CHCHD3: variants seen among roughly 807,000 people sequenced by gnomAD.
CHCHD3 encodes coiled-coil-helix-coiled-coil-helix domain containing 3.
In CHCHD3, 20 loss-of-function variants were observed where a neutral mutation model predicts 38.2. The ratio of observed to expected loss-of-function variants is 0.52; its 90% CI spans 0.37 to 0.76. The LOEUF is 0.76. Among genes scored for constraint, CHCHD3 ranks in the 30% least tolerant of loss-of-function variants. The probability of loss-of-function intolerance (pLI) is 0.00; values close to 1 mark genes in which losing one functional copy is unlikely to be tolerated. For missense variants in CHCHD3, 245 were observed against 279.2 expected, an observed-to-expected ratio of 0.88 and a Z score of 0.87; for synonymous variants, 82 against 100.0, an observed-to-expected ratio of 0.82 and a Z score of 1.07.
intron 4 of CHCHD3, among the ~76,000 whole-genome samples, chr7:132,938,298 G>A (rs1228452302): frequency 1.3e-5 from 2 of 152,134 alleles, no homozygotes; most frequent in Admixed American, 1.3e-4. Flanking sequence ...GCTCATTGAG[G>A]TTAAATGACT....
chr7:132,954,477 C>G (rs1435023785), intron 4 of CHCHD3, among the ~76,000 whole-genome samples: 1 of 152,156 alleles, frequency 6.6e-6, no homozygotes, highest in African/African-American at 2.4e-5. Context: ...TTTGTGGACA[C>G]AGGGTCAGGG....
At chr7:133,032,177 G>A (rs1026446660) in intron 2 of CHCHD3, among the ~76,000 whole-genome samples, 1 of 152,074 alleles carries the variant, frequency 6.6e-6, no homozygotes, top group Non-Finnish European at 1.5e-5. Flanking sequence ...CATTTAGTTG[G>A]CAGACAAATA....
chr7:132,950,376 A>T (rs1298313796), intron 4 of CHCHD3, among the ~76,000 whole-genome samples: 2 of 152,208 alleles, frequency 1.3e-5, no homozygotes, highest in Admixed American at 1.3e-4. Context: ...TTGACATTTT[A>T]GGAAAAAGAT....
rs1813205096 is a variant in CHCHD3, at chr7:133,022,317, T to A, written c.251+2229A>T. 8 of 451,514 alleles carry A rather than the reference T, an allele frequency of 1.8e-5. 1 individual carries two copies. Among genetic ancestry groups the A allele is most frequent in the South Asian group, 1.3e-4 (8 of 63,784 alleles). The allele number at this position is 451,514 out of a possible 1,614,324, so 28.0% of individuals were successfully genotyped here. A position where few individuals can be genotyped will look rare whatever the true frequency, so the allele number is the denominator to read the frequency against. On this transcript the variant is annotated intron_variant, in intron 3 of 7. Transcript: ENST00000262570. ...AAAAGAGAAAACTTGGCACGCAGGGTATATACCATATGAGTAACAGTACAA... is the reference window on the plus strand; with the variant it reads ...AAAAGAGAAAACTTGGCACGCAGGGAATATACCATATGAGTAACAGTACAA...
intron 6 of CHCHD3, among the ~76,000 whole-genome samples, chr7:132,802,659 A>G (rs1318609230): frequency 6.6e-6 from 1 of 152,188 alleles, no homozygotes; most frequent in South Asian, 2.1e-4. Flanking sequence ...TATTTGGGCT[A>G]CATATCGCTA....
chr7:132,956,497 G>A (rs1811171702), intron 4 of CHCHD3, among the ~76,000 whole-genome samples: 1 of 152,168 alleles, frequency 6.6e-6, no homozygotes, highest in Non-Finnish European at 1.5e-5. Context: ...AAAACAATGG[G>A]CATTGGTTAT....
intron 4 of CHCHD3, among the ~76,000 whole-genome samples, chr7:132,948,685 T>G (rs769706964): frequency 2.7e-4 from 41 of 152,086 alleles, no homozygotes; most frequent in Non-Finnish European, 5.3e-4. Flanking sequence ...TTTTAAGATA[T>G]TTTTTCCACC....
chr7:132,980,534 G>T (rs1811891028), intron 3 of CHCHD3, among the ~76,000 whole-genome samples: 1 of 152,122 alleles, frequency 6.6e-6, no homozygotes, highest in African/African-American at 2.4e-5. Flanking sequence ...TAGGAGTTTA[G>T]TGTAAACTTT....
chr7:132,895,942 A>C (rs931161499), intron 4 of CHCHD3, among the ~76,000 whole-genome samples: 2 of 152,246 alleles, frequency 1.3e-5, no homozygotes, highest in Non-Finnish European at 2.9e-5. Context: ...AAAATACTTA[A>C]AAGAACAGAA....
intron 3 of CHCHD3, among the ~76,000 whole-genome samples, chr7:133,014,780 A>T (rs1471964529): frequency 2.0e-5 from 3 of 152,056 alleles, no homozygotes; most frequent in Non-Finnish European, 2.9e-5. Flanking sequence ...TCCTAACTCC[A>T]AGAAAGAAGT....
chr7:132,942,050 A>G (rs890253185), intron 4 of CHCHD3, among the ~76,000 whole-genome samples: 1 of 152,172 alleles, frequency 6.6e-6, no homozygotes, highest in Non-Finnish European at 1.5e-5. Context: ...TAGAGCTAGA[A>G]AGCAAATCAC....
chr7:132,892,332 T>C (rs957752995), intron 4 of CHCHD3, among the ~76,000 whole-genome samples: 7 of 152,228 alleles, frequency 4.6e-5, no homozygotes, highest in Admixed American at 4.6e-4. Flanking sequence ...TGCTATGCTT[T>C]AGCAAAGACA....
intron 3 of CHCHD3, chr7:133,022,334 A>G (rs1031654200): frequency 2.4e-5 from 11 of 455,090 alleles, no homozygotes; most frequent in East Asian, 2.1e-4. Flanking sequence ...CATATGAGTA[A>G]CAGTACAAAG....
Position 132,819,541 on chromosome 7 carries a change from T to C in CHCHD3, c.524+18858A>G, listed in dbSNP as rs114686162. 4.4e-3 allele frequency among the ~76,000 whole-genome samples: 675 copies of C among 152,322 alleles called. 4 individuals carry two copies. The highest frequency in any genetic ancestry group is 0.016 in the African/African-American group (646 of 41,564). The stretch of plus-strand genomic sequence containing the variant: ...AATATTGATACTAATTGAGCACCTG[T>C]TAGAGAGAGGCATGCTCCCATCAAG... On this transcript the variant is annotated intron_variant, in intron 6 of 7. Transcript: ENST00000262570.
intron 2 of CHCHD3, among the ~76,000 whole-genome samples, chr7:133,061,165 G>A (rs902786759): frequency 2.6e-5 from 4 of 152,020 alleles, no homozygotes; most frequent in African/African-American, 9.7e-5. Flanking sequence ...GAGGGCTCAA[G>A]TTTCTAACAG....
chr7:132,997,659 TAAAAAAAAAAA>T lies in CHCHD3; in HGVS notation c.252-22384_252-22374del, dbSNP rs71178073. Among the ~76,000 whole-genome samples the T allele has an allele frequency of 1.8e-4, 15 of 81,772 alleles. No individual in the cohort carries two copies. The South Asian group carries it at 3.3e-3, about 18-fold the overall frequency. The allele number at this position is 81,772 out of a possible 152,430, so 53.6% of individuals were successfully genotyped here. A position where few individuals can be genotyped will look rare whatever the true frequency, so the allele number is the denominator to read the frequency against. On this transcript the variant is annotated intron_variant, in intron 3 of 7. Transcript: ENST00000262570. The stretch of plus-strand genomic sequence containing the variant: ...CTTCTCACTGTAACTAACAGGGTTG[TAAAAAAAAAAA>T]AAAAAAAAAAAAAAAAAACAGCAAG...
chr7:132,838,567 C>T, intron 5 of CHCHD3, 98 bp from the exon 6 acceptor site: 2 of 852,282 alleles, frequency 2.3e-6, no homozygotes, highest in South Asian at 3.1e-5. Context: ...CTTGTTTCAG[C>T]CACTCAAGCA....
At chr7:132,947,798 TA>T (rs144409976) in intron 4 of CHCHD3, among the ~76,000 whole-genome samples, 1 of 151,386 alleles carries the variant, frequency 6.6e-6, no homozygotes, top group East Asian at 1.9e-4. Context: ...ACTCCAAATT[TA>T]AAAAAAAATC....
rs1806277191 is a variant in CHCHD3 at position 132,784,990 on chromosome 7, A to G, written c.*647T>C. Reference sequence around the variant, plus strand: ...ATAAAAATACCTTATCTCACTTGTAATCATAAACATTATTCCAGTAGAAGA... The same window carrying G: ...ATAAAAATACCTTATCTCACTTGTAGTCATAAACATTATTCCAGTAGAAGA... On this transcript the variant is annotated 3_prime_UTR_variant, in exon 8 of 8. Coordinates refer to ENST00000262570, the MANE Select transcript of CHCHD3 (RefSeq NM_017812.4). 6.6e-6 allele frequency: 1 copy of G among 152,658 alleles called. No individual in the cohort carries two copies. Among genetic ancestry groups the G allele is most frequent in the East Asian group, 1.9e-4 (1 of 5,204 alleles). The allele number at this position is 152,658 out of a possible 1,614,324, so 9.5% of individuals were successfully genotyped here. A position where few individuals can be genotyped will look rare whatever the true frequency, so the allele number is the denominator to read the frequency against.
Sources: allele counts gnomAD v4.1 joint callset (sites outside exome capture counted in the v4.1 genomes callset), GRCh38; gene constraint gnomAD v4.1.1; transcripts MANE v1.5; gene names NCBI Gene and HGNC (gene_info 2026-07-23, HGNC 2026-07-21).